The following PLXNA2 variants were observed in gnomAD, a reference collection of about 807,000 sequenced individuals.
PLXNA2 encodes the protein plexin-A2.
PLXNA2 carries 91 observed loss-of-function variants against 193.5 expected under a neutral mutation model. The observed-to-expected ratio is 0.47, with a 90% confidence interval of 0.40 to 0.56. The LOEUF (loss-of-function observed/expected upper bound fraction) is 0.56. PLXNA2 is among the 20% of genes least tolerant of loss of function. The pLI, the probability that PLXNA2 is intolerant of heterozygous loss-of-function variation, is 0.00. For missense variants in PLXNA2, 1,995 were observed against 2,503.2 expected (o/e 0.80, Z 4.33); for synonymous variants, 997 against 1,027.3 (o/e 0.97, Z 0.56).
In PLXNA2 at chr1:208,092,783, T is replaced by TA; in HGVS notation, c.2097+2dup. Reference sequence around the variant, plus strand: ...CTGCCATGTTAGGGTAAGCCCTTCTTACCTCTGAAATATTGATCCGGCCCT... The same window carrying TA: ...CTGCCATGTTAGGGTAAGCCCTTCTTAACCTCTGAAATATTGATCCGGCCCT... On this transcript the variant is annotated splice_region_variant and intron_variant, in intron 9 of 31. Coordinates refer to ENST00000367033, the MANE Select transcript of PLXNA2 (RefSeq NM_025179.4). 1 of 1,608,040 alleles carries TA rather than the reference T, an allele frequency of 6.2e-7. No homozygotes were observed.
In PLXNA2 at chr1:208,042,103, G is replaced by C; in HGVS notation, c.4281C>G (p.Leu1427=). 1 of 1,613,824 alleles carries C rather than the reference G, an allele frequency of 6.2e-7. No individual in the cohort carries two copies. Among genetic ancestry groups the C allele is most frequent in the Non-Finnish European group, 8.5e-7 (1 of 1,179,802 alleles). The stretch of plus-strand genomic sequence containing the variant: ...CCCACTGCTGCGGGCCAGACCTCCG[G>C]AGTAGCAGCTTGGGGTGGTTCTTGT... ...LENKNHPKLL[L]RRTESVAEKM... The change falls in exon 22 of 32, where the codon CTC becomes CTG. Residue 1427 remains leucine (L), a synonymous_variant. Transcript: ENST00000367033.
At chr1:208,241,565 A>C (rs1216809551) in intron 1 of PLXNA2, among the ~76,000 whole-genome samples, 1 of 152,172 alleles carries the variant, frequency 6.6e-6, no homozygotes, top group East Asian at 1.9e-4. Flanking sequence ...TGGCAGACTC[A>C]TGGTCCCTGG....
intron 12 of PLXNA2, among the ~76,000 whole-genome samples, chr1:208,064,447 C>T (rs1665721618): frequency 6.6e-6 from 1 of 152,218 alleles, no homozygotes; most frequent in Non-Finnish European, 1.5e-5. Flanking sequence ...CCACACTTTC[C>T]ATTCAATAGC....
chr1:208,113,587 T>A (rs1321729089), intron 4 of PLXNA2, among the ~76,000 whole-genome samples: 1 of 146,590 alleles, frequency 6.8e-6, no homozygotes, highest in Non-Finnish European at 1.5e-5. Flanking sequence ...TCTTGCTCTG[T>A]TGCCCAGCCT....
intron 1 of PLXNA2, among the ~76,000 whole-genome samples, chr1:208,223,231 G>GTT (rs5780442): frequency 4.9e-4 from 69 of 141,648 alleles, no homozygotes; most frequent in South Asian, 1.8e-3. Flanking sequence ...CCAACCCACT[G>GTT]TTTTTTTTTT....
chr1:208,038,433 C>T lies in PLXNA2; in HGVS notation c.4702G>A (p.Glu1568Lys). The T allele has an allele frequency of 6.2e-7, 1 of 1,614,188 alleles. No homozygotes were observed. Among genetic ancestry groups the T allele is most frequent in the Non-Finnish European group, 8.5e-7 (1 of 1,180,030 alleles). The part of the protein sequence containing the change: ...GRIARVVLQD[E>K]DITTKIEGDW... Reference sequence around the variant, plus strand: ...CCCTCAATCTTGGTGGTGATGTCCTCATCTTGCAGCACGACCCGGGCGATC... The same window carrying T: ...CCCTCAATCTTGGTGGTGATGTCCTTATCTTGCAGCACGACCCGGGCGATC... The change falls in exon 26 of 32, where the codon GAG (glutamate) becomes AAG (lysine). Residue 1568 changes from glutamate to lysine, a missense_variant. By Grantham distance (56) the Glu-to-Lys change is moderately conservative (BLOSUM62 1). This residue lies in a region of PLXNA2 where 1,291 missense variants were observed against 1,673.6 expected (regional missense o/e 0.77). Coordinates refer to ENST00000367033, the MANE Select transcript of PLXNA2 (RefSeq NM_025179.4). The surrounding 1 kb of genome is among the most constrained non-coding windows in gnomAD (Gnocchi z 4.1).
At chr1:208,108,874 G>C (rs914006939) in intron 4 of PLXNA2, among the ~76,000 whole-genome samples, 1 of 152,190 alleles carries the variant, frequency 6.6e-6, no homozygotes, top group Non-Finnish European at 1.5e-5. Flanking sequence ...GCTCTGGCAG[G>C]AGCACTCAGT....
chr1:208,187,586 T>C (rs766635325), intron 3 of PLXNA2, among the ~76,000 whole-genome samples: 9 of 152,286 alleles, frequency 5.9e-5, no homozygotes, highest in Non-Finnish European at 1.3e-4. Context: ...TCTCACAAGA[T>C]AAAAAATTTT....
At chr1:208,148,888 G>A (rs754770688) in intron 3 of PLXNA2, among the ~76,000 whole-genome samples, 8 of 152,208 alleles carry the variant, frequency 5.3e-5, no homozygotes, top group South Asian at 2.1e-4. Flanking sequence ...TTTGGAAAAC[G>A]TACAGTGTAA....
chr1:208,052,072 G>A (rs1665282283), intron 15 of PLXNA2, among the ~76,000 whole-genome samples: 1 of 152,182 alleles, frequency 6.6e-6, no homozygotes, highest in African/African-American at 2.4e-5. Context: ...GAGCTCCTAG[G>A]AGCCTCCTCC....
chr1:208,052,371 G>C lies in PLXNA2; in HGVS notation c.2949C>G (p.Ser983Arg). 6.2e-7 allele frequency: 1 copy of C among 1,613,856 alleles called. No individual in the cohort carries two copies. The highest frequency in any genetic ancestry group is 8.5e-7 in the Non-Finnish European group (1 of 1,180,002). Residue 983 changes from serine to arginine, a missense_variant, in exon 15 of 32, where the codon AGC (serine) becomes AGG (arginine). Physicochemically the swap from Ser to Arg is moderately radical, Grantham distance 110. Coordinates refer to ENST00000367033, the MANE Select transcript of PLXNA2 (RefSeq NM_025179.4). Reference sequence around the variant, plus strand: ...GGTTGCCCAGGTAGACTGCCACGCTGCTCCCAGCCCCAAGGTAATGGCCGG... The same window carrying C: ...GGTTGCCCAGGTAGACTGCCACGCTCCTCCCAGCCCCAAGGTAATGGCCGG... ...TITGHYLGAGSSVAVYLGNQT... is the reference protein window; with the variant it reads ...TITGHYLGAGRSVAVYLGNQT...
At chr1:208,058,523 G>A (rs549324892) in intron 13 of PLXNA2, among the ~76,000 whole-genome samples, 45 of 152,152 alleles carry the variant, frequency 3.0e-4, no homozygotes, top group African/African-American at 9.7e-4. Context: ...CTCACTGCCC[G>A]GGATGGAGGC....
chr1:208,033,187 G>C lies in PLXNA2; in HGVS notation c.5055+132C>G. ...CTGGGATTATGGGCATGAGCCACCAGGTCTGGCTGTACCTGGACTGTCTGA... is the reference window on the plus strand; with the variant it reads ...CTGGGATTATGGGCATGAGCCACCACGTCTGGCTGTACCTGGACTGTCTGA... On this transcript the variant is annotated intron_variant, in intron 28 of 31. Coordinates refer to ENST00000367033, the MANE Select transcript of PLXNA2 (RefSeq NM_025179.4). The C allele has an allele frequency of 3.6e-6, 3 of 835,036 alleles. No individual in the cohort carries two copies. In the South Asian group the frequency reaches 5.5e-5, roughly 15 times the overall value. The allele number at this position is 835,036 out of a possible 1,614,324, so 51.7% of individuals were successfully genotyped here.
At chr1:208,161,677 T>C (rs1669109289) in intron 3 of PLXNA2, among the ~76,000 whole-genome samples, 1 of 152,078 alleles carries the variant, frequency 6.6e-6, no homozygotes, top group Non-Finnish European at 1.5e-5. Flanking sequence ...AATAAAAAAA[T>C]TGTTATCTTC....
intron 3 of PLXNA2, among the ~76,000 whole-genome samples, chr1:208,189,169 AT>A (rs1202652093): frequency 1.3e-5 from 2 of 152,194 alleles, no homozygotes; most frequent in African/African-American, 4.8e-5. Context: ...TTCAGGCTAC[AT>A]TTTTAACAGG....
intron 26 of PLXNA2, among the ~76,000 whole-genome samples, chr1:208,037,616 C>A (rs1272474223): frequency 1.3e-5 from 2 of 152,180 alleles, no homozygotes; most frequent in East Asian, 1.9e-4. Context: ...TGAATCCCAA[C>A]CTGTCTACCT....
intron 2 of PLXNA2, among the ~76,000 whole-genome samples, chr1:208,215,334 A>G (rs78771609): frequency 0.041 from 6,235 of 152,224 alleles, 200 homozygotes; most frequent in Middle Eastern, 0.11. Flanking sequence ...AGTGCCTAGT[A>G]CAGTGCCAGG....
At position 208,042,283 on chromosome 1, in the gene PLXNA2, G is replaced by A; in HGVS notation, c.4101C>T (p.Thr1367=). 6.2e-7 allele frequency: 1 copy of A among 1,614,222 alleles called. No homozygotes were observed. Among genetic ancestry groups the A allele is most frequent in the Non-Finnish European group, 8.5e-7 (1 of 1,180,030 alleles). The part of the protein sequence containing the change: ...QLINNKVFLL[T]FIRTLELQRS... ...GCTGCAGCTCCAGGGTGCGGATGAA[G>A]GTCAGCAGGAACACCTTGTTGTTGA... Residue 1367 remains threonine, a synonymous_variant, in exon 22 of 32, where the codon ACC becomes ACT. Transcript: ENST00000367033.
chr1:208,100,794 G>T (rs182122310), intron 5 of PLXNA2, among the ~76,000 whole-genome samples: 1 of 152,158 alleles, frequency 6.6e-6, no homozygotes, highest in Non-Finnish European at 1.5e-5. Flanking sequence ...TCTTCATCTC[G>T]GGCTCTAGGC....
Sources: allele counts gnomAD v4.1 joint callset (sites outside exome capture counted in the v4.1 genomes callset), GRCh38; gene constraint gnomAD v4.1.1; regional missense constraint gnomAD v4.1.1; non-coding constraint Gnocchi (gnomAD v3.1); transcripts MANE v1.5; gene names NCBI Gene and HGNC (gene_info 2026-07-23, HGNC 2026-07-21).